Variants in OR51D1 observed in about 807,000 individuals in gnomAD.
OR51D1 encodes the protein olfactory receptor family 51 subfamily D member 1.
For synonymous variants in OR51D1, 187 were observed against 161.1 expected, an observed-to-expected ratio of 1.16 and a Z score of -1.22; for missense variants, 452 against 396.2, an observed-to-expected ratio of 1.14 and a Z score of -1.20.
At chr11:4,638,586 C>T (rs1432610263) in intron 1 of OR51D1, among the ~76,000 whole-genome samples, 2 of 152,104 alleles carry the variant, frequency 1.3e-5, no homozygotes, top group East Asian at 3.8e-4. Context: ...CTGAGCGCAA[C>T]CTGGGACTGA....
At position 4,640,290 on chromosome 11, in the gene OR51D1, T is replaced by C. The variant is rs551724096; in HGVS notation, c.500T>C (p.Val167Ala). The change falls in exon 2 of 2, where the codon GTA becomes GCA. Residue 167 changes from valine to alanine, a missense_variant. Val to Ala is a moderately conservative substitution (Grantham distance 64). Coordinates refer to ENST00000641817, the MANE Select transcript of OR51D1 (RefSeq NM_001004751.3). ...IGLSALTRGF[V>A]FFFPLPFILK... ...CTATCTGCCCTGACCAGGGGGTTTGTATTCTTCTTCCCACTGCCCTTCATC... is the reference window on the plus strand; with the variant it reads ...CTATCTGCCCTGACCAGGGGGTTTGCATTCTTCTTCCCACTGCCCTTCATC... 9.9e-6 allele frequency: 16 copies of C among 1,614,218 alleles called. No homozygotes were observed. In the South Asian group the frequency reaches 1.8e-4, roughly 18 times the overall value.
rs1846944942 is a variant in OR51D1 at position 4,640,092 on chromosome 11, G to C, written c.302G>C (p.Gly101Ala). ...MPKMASLFLM[G>A]IQEIEFNICL... ...AAGATGGCCAGTCTTTTCCTGATGG[G>C]CATCCAGGAGATCGAGTTCAACATT... Residue 101 changes from glycine (G) to alanine (A), a missense_variant, in exon 2 of 2, where the codon GGC becomes GCC. By Grantham distance (60) the Gly-to-Ala change is moderately conservative. Transcript: ENST00000641817. 4.3e-6 allele frequency: 7 copies of C among 1,614,084 alleles called. No homozygotes were observed. The highest frequency in any genetic ancestry group is 5.9e-6 in the Non-Finnish European group (7 of 1,179,958).
chr11:4,640,156 C>T lies in OR51D1; in HGVS notation c.366C>T (p.Ala122=), dbSNP rs561746406. Residue 122 remains alanine, a synonymous_variant, in exon 2 of 2, where the codon GCC becomes GCT. Transcript: ENST00000641817. ...AQMFLIHALS[A]VESAVLLAMA... ...TGTTCCTTATCCATGCTCTGTCAGC[C>T]GTGGAGTCAGCTGTCCTGCTGGCCA... 49 of 1,614,118 alleles carry T rather than the reference C, an allele frequency of 3.0e-5. No homozygotes were observed. Among genetic ancestry groups the T allele is most frequent in the South Asian group, 7.7e-5 (7 of 91,078 alleles).
intron 1 of OR51D1, among the ~76,000 whole-genome samples, chr11:4,639,196 T>C (rs1332790157): frequency 6.6e-6 from 1 of 152,230 alleles, no homozygotes. Context: ...TTACTTTAGA[T>C]GTTTCTATCA....
chr11:4,639,731 G>C, intron 1 of OR51D1, 46 bp from the exon 2 acceptor site: 1 of 1,555,482 alleles, frequency 6.4e-7, no homozygotes, highest in Non-Finnish European at 8.7e-7. Context: ...TCTCCTCTGA[G>C]CCACAACTAA....
intron 1 of OR51D1, 143 bp downstream of exon 1, chr11:4,637,896 G>C (rs1846917575): frequency 6.5e-6 from 1 of 153,038 alleles, no homozygotes; most frequent in Non-Finnish European, 1.5e-5. Context: ...TGAGTTAGAG[G>C]AACACTGTGA....
At chr11:4,639,288 CTTAAA>C (rs1846932744) in intron 1 of OR51D1, among the ~76,000 whole-genome samples, 1 of 152,188 alleles carries the variant, frequency 6.6e-6, no homozygotes, top group Admixed American at 6.5e-5. Context: ...TGCTCCCTAT[CTTAAA>C]TTAGATTATA....
intron 1 of OR51D1, 24 bp from the exon 2 acceptor site, chr11:4,639,753 A>G: frequency 6.3e-7 from 1 of 1,587,714 alleles, no homozygotes; most frequent in Non-Finnish European, 8.6e-7. Context: ...TGATGTTTCT[A>G]CTTTTCCCTT....
chr11:4,640,831 C>T lies in OR51D1; in HGVS notation c.*66C>T, dbSNP rs1309083608. The stretch of plus-strand genomic sequence containing the variant: ...GGGAATATTAGGATCCTATTGAATG[C>T]CTTGGTGATTAAAGTATCAAACCTA... On this transcript the variant is annotated 3_prime_UTR_variant, in exon 2 of 2. Transcript: ENST00000641817. The T allele has an allele frequency of 7.7e-6, 11 of 1,429,952 alleles. No homozygotes were observed. The highest frequency in any genetic ancestry group is 4.0e-5 in the South Asian group (3 of 74,874). 88.6% of individuals were successfully genotyped at this position (1,429,952 alleles called of 1,614,324 possible).
At position 4,640,418 on chromosome 11, in the gene OR51D1, G is replaced by T; in HGVS notation, c.628G>T (p.Val210Phe). The part of the protein sequence containing the change: ...LSCTDTRVNV[V>F]YGLFIILSVM... ...CTGTACTGACACCAGGGTCAATGTG[G>T]TTTATGGACTCTTCATCATCCTCTC... Residue 210 changes from valine to phenylalanine, a missense_variant, in exon 2 of 2, where the codon GTT (valine) becomes TTT (phenylalanine). Physicochemically the swap from Val to Phe is conservative, Grantham distance 50. Coordinates refer to ENST00000641817, the MANE Select transcript of OR51D1 (RefSeq NM_001004751.3). 1 of 1,614,182 alleles carries T rather than the reference G, an allele frequency of 6.2e-7. No individual in the cohort carries two copies. Among genetic ancestry groups the T allele is most frequent in the Non-Finnish European group, 8.5e-7 (1 of 1,180,042 alleles).
chr11:4,639,573 G>T, intron 1 of OR51D1: 1 of 579,016 alleles, frequency 1.7e-6, no homozygotes, highest in Non-Finnish European at 3.1e-6. Flanking sequence ...CTGGGGCCTT[G>T]GAGGGTCAGG....
chr11:4,637,533 G>T lies in OR51D1; in HGVS notation c.-235G>T, dbSNP rs970569298. ...AGGGTCCGCAGAGACAGGCACAGAA[G>T]GCTCATTGCATAAGGAAGCCGGGAC... is the stretch of plus-strand genomic sequence containing the variant. On this transcript the variant is annotated 5_prime_UTR_variant, in exon 1 of 2. In the 5' UTR this introduces an upstream ATG that the reference lacks. Transcript: ENST00000641817. 1 of 152,406 alleles carries T rather than the reference G, an allele frequency of 6.6e-6. No homozygotes were observed. The highest frequency in any genetic ancestry group is 1.5e-5 in the Non-Finnish European group (1 of 68,186). The allele number at this position is 152,406 out of a possible 1,614,324, so 9.4% of individuals were successfully genotyped here. A position where few individuals can be genotyped will look rare whatever the true frequency, so the allele number is the denominator to read the frequency against.
In OR51D1 at chr11:4,640,534, C is replaced by T; in HGVS notation, c.744C>T (p.Leu248=). The stretch of plus-strand genomic sequence containing the variant: ...AGCTGTCCTCTCGGAGGGCAGCACT[C>T]AAGGCTTTCAACACCTGCATCTCCC... The part of the protein sequence containing the change: ...VLELSSRRAA[L]KAFNTCISHL... The change falls in exon 2 of 2, where the codon CTC becomes CTT. Residue 248 remains leucine (L), a synonymous_variant. Coordinates refer to ENST00000641817, the MANE Select transcript of OR51D1 (RefSeq NM_001004751.3). 1.2e-6 allele frequency: 2 copies of T among 1,613,822 alleles called. No homozygotes were observed. Among genetic ancestry groups the T allele is most frequent in the Non-Finnish European group, 1.7e-6 (2 of 1,179,992 alleles).
In OR51D1 at chr11:4,640,124, G is replaced by A. The variant is rs1485233894; in HGVS notation, c.334G>A (p.Ala112Thr). Reference sequence around the variant, plus strand: ...GGAGATCGAGTTCAACATTTGCCTGGCCCAGATGTTCCTTATCCATGCTCT... The same window carrying A: ...GGAGATCGAGTTCAACATTTGCCTGACCCAGATGTTCCTTATCCATGCTCT... ...IQEIEFNICL[A>T]QMFLIHALSA... Residue 112 changes from alanine to threonine, a missense_variant, in exon 2 of 2, where the codon GCC becomes ACC. Ala to Thr is a moderately conservative substitution (Grantham distance 58, BLOSUM62 0). Coordinates refer to ENST00000641817, the MANE Select transcript of OR51D1 (RefSeq NM_001004751.3). 3 of 1,614,076 alleles carry A rather than the reference G, an allele frequency of 1.9e-6. No individual in the cohort carries two copies. Among genetic ancestry groups the A allele is most frequent in the East Asian group, 2.2e-5 (1 of 44,888 alleles).
intron 1 of OR51D1, 41 bp from the exon 2 acceptor site, chr11:4,639,736 A>G: frequency 6.4e-7 from 1 of 1,565,426 alleles, no homozygotes; most frequent in South Asian, 1.2e-5. Context: ...TCTGAGCCAC[A>G]ACTAAATGAT....
Position 4,637,694 on chromosome 11 carries a change from T to C in OR51D1, c.-74T>C, listed in dbSNP as rs1341860279. Reference sequence around the variant, plus strand: ...TGTGAGACCCGTTCCAAGCTTTGCCTATCCTTTGTCCCAGGACAGGACTCC... The same window carrying C: ...TGTGAGACCCGTTCCAAGCTTTGCCCATCCTTTGTCCCAGGACAGGACTCC... On this transcript the variant is annotated 5_prime_UTR_variant, in exon 1 of 2. Transcript: ENST00000641817. The C allele has an allele frequency of 1.3e-5, 2 of 152,308 alleles. No individual in the cohort carries two copies. Among genetic ancestry groups the C allele is most frequent in the Non-Finnish European group, 2.9e-5 (2 of 68,104 alleles). The allele number at this position is 152,308 out of a possible 1,614,324, so 9.4% of individuals were successfully genotyped here. A position where few individuals can be genotyped will look rare whatever the true frequency, so the allele number is the denominator to read the frequency against.
intron 1 of OR51D1, among the ~76,000 whole-genome samples, chr11:4,638,206 C>G (rs35241644): frequency 0.29 from 43,335 of 151,916 alleles, 7,823 homozygotes; most frequent in Non-Finnish European, 0.42. Flanking sequence ...AAAGAGGAGA[C>G]GGGTCAAGAT....
intron 1 of OR51D1, among the ~76,000 whole-genome samples, chr11:4,638,642 T>C (rs1282299584): frequency 2.0e-5 from 3 of 152,342 alleles, no homozygotes; most frequent in African/African-American, 7.2e-5. Flanking sequence ...TGCTGCTTAT[T>C]GTTCGTTTGG....
In OR51D1 at chr11:4,640,203, C is replaced by T. The variant is rs145432796; in HGVS notation, c.413C>T (p.Ala138Val). 5.6e-6 allele frequency: 9 copies of T among 1,614,048 alleles called. No individual in the cohort carries two copies. In the African/African-American group the frequency reaches 1.2e-4, roughly 22 times the overall value. Residue 138 changes from alanine (A) to valine (V), a missense_variant, in exon 2 of 2, where the codon GCC becomes GTC. Ala to Val is a moderately conservative substitution (Grantham distance 64). Coordinates refer to ENST00000641817, the MANE Select transcript of OR51D1 (RefSeq NM_001004751.3). ...GCCATGGCTTTTGACCGCTTTGTGG[C>T]CATTTGCCACCCATTGCGCCATGCT... ...LLAMAFDRFV[A>V]ICHPLRHASV...
Sources: allele counts gnomAD v4.1 joint callset (sites outside exome capture counted in the v4.1 genomes callset), GRCh38; gene constraint gnomAD v4.1.1; transcripts MANE v1.5; gene names NCBI Gene and HGNC (gene_info 2026-07-23, HGNC 2026-07-21).